The following RBMS3 variants were observed in gnomAD, a reference collection of about 807,000 sequenced individuals.
RBMS3 encodes the protein RNA binding motif single stranded interacting protein 3, also known as RNA-binding motif, single-stranded-interacting protein 3.
RBMS3 carries 27 observed loss-of-function variants against 66.8 expected under a neutral mutation model. The ratio of observed to expected loss-of-function variants is 0.40; its 90% CI spans 0.30 to 0.56. The LOEUF (loss-of-function observed/expected upper bound fraction) is 0.56, where lower values mean the gene tolerates loss of function less well. Ranked by LOEUF, RBMS3 falls within the 20% of genes least tolerant of loss-of-function variation. The pLI, the probability that RBMS3 is intolerant of heterozygous loss-of-function variation, is 0.40. For synonymous variants in RBMS3, 188 were observed against 183.0 expected, an observed-to-expected ratio of 1.03 and a Z score of -0.22; for missense variants, 513 against 549.5, an observed-to-expected ratio of 0.93 and a Z score of 0.66.
rs766794924 is a variant in RBMS3, at chr3:29,868,918, A to T, written c.698A>T (p.Gln233Leu). ...ADGGQKKRQN[Q>L]SKYTQNGRPW... The stretch of plus-strand genomic sequence containing the variant: ...GGAGGACAAAAGAAGCGACAGAATC[A>T]AAGCAAATATACCCAGAATGGGAGG... Residue 233 changes from glutamine to leucine, a missense_variant, in exon 7 of 15, where the codon CAA becomes CTA. By Grantham distance (113) the Gln-to-Leu change is moderately radical. Coordinates refer to ENST00000383767, the MANE Select transcript of RBMS3 (RefSeq NM_001003793.3). 5.6e-5 allele frequency: 90 copies of T among 1,604,710 alleles called. No individual in the cohort carries two copies. In the Middle Eastern group the frequency reaches 6.6e-4, roughly 12 times the overall value.
chr3:29,449,554 C>CA (rs937874581), intron 2 of RBMS3, among the ~76,000 whole-genome samples: 2 of 152,060 alleles, frequency 1.3e-5, no homozygotes, highest in Non-Finnish European at 2.9e-5. Flanking sequence ...TTTAGAAAAC[C>CA]AATAAAATAA....
At chr3:29,376,904 AAAC>A (rs1356139905) in intron 1 of RBMS3, among the ~76,000 whole-genome samples, 1 of 151,838 alleles carries the variant, frequency 6.6e-6, no homozygotes, top group Non-Finnish European at 1.5e-5. Context: ...ACTACGTCTC[AAAC>A]AACAACAAAA....
At chr3:29,534,910 A>G (rs772259659) in intron 3 of RBMS3, among the ~76,000 whole-genome samples, 6 of 152,114 alleles carry the variant, frequency 3.9e-5, no homozygotes, top group Admixed American at 6.5e-5. Context: ...TAAATGGAGT[A>G]ATTTGAAGAA....
At chr3:29,839,873 A>T (rs948803446) in intron 6 of RBMS3, among the ~76,000 whole-genome samples, 1 of 151,978 alleles carries the variant, frequency 6.6e-6, no homozygotes, top group Non-Finnish European at 1.5e-5. Context: ...ATACAAAAAA[A>T]TTGCCAAAAC....
At chr3:29,642,906 G>A (rs2049779129) in intron 4 of RBMS3, 1 of 152,060 alleles carries the variant, frequency 6.6e-6, no homozygotes, top group South Asian at 2.1e-4. Context: ...AGTAATTCAA[G>A]TCTGCCTTTC....
chr3:29,548,001 C>T (rs1031023190), intron 3 of RBMS3, among the ~76,000 whole-genome samples: 4 of 151,764 alleles, frequency 2.6e-5, no homozygotes, highest in Non-Finnish European at 5.9e-5. Flanking sequence ...TCTATGTTGG[C>T]CAAGGCTGGT....
chr3:29,563,532 A>G (rs1199784521), intron 3 of RBMS3, among the ~76,000 whole-genome samples: 4 of 152,208 alleles, frequency 2.6e-5, no homozygotes, highest in African/African-American at 9.6e-5. Context: ...GATCTTTATC[A>G]TCAAAAAAGG....
rs10530714 is a variant in RBMS3 at position 29,413,372 on chromosome 3, TCATACATACATACATA to T, written c.76-21332_76-21317del. 7.4e-3 allele frequency among the ~76,000 whole-genome samples: 817 copies of T among 109,946 alleles called. 2 individuals carry two copies. Among genetic ancestry groups the T allele is most frequent in the Non-Finnish European group, 0.013 (661 of 49,554 alleles). 72.1% of individuals were successfully genotyped at this position (109,946 alleles called of 152,430 possible). On this transcript the variant is annotated intron_variant, in intron 1 of 14. Transcript: ENST00000383767. ...CAAAGAGAGTGAAACTCCATCTCAT[TCATACATACATACATA>T]CATACATACATACATACATACATAC...
Position 29,675,428 on chromosome 3 carries a change from G to A in RBMS3, c.400-64292G>A, listed in dbSNP as rs563858318. On this transcript the variant is annotated intron_variant, in intron 4 of 14. Coordinates refer to ENST00000383767, the MANE Select transcript of RBMS3 (RefSeq NM_001003793.3). The stretch of plus-strand genomic sequence containing the variant: ...AAAAAAAAGCCAAAATAGACAAATG[G>A]GATCTAATTAAACTAAAGAGCTTCT... 2.8e-4 allele frequency among the ~76,000 whole-genome samples: 42 copies of A among 152,176 alleles called. 1 individual carries two copies. In the East Asian group the frequency reaches 3.9e-3, roughly 14 times the overall value.
At chr3:29,720,055 A>G (rs770399770) in intron 4 of RBMS3, among the ~76,000 whole-genome samples, 3 of 152,016 alleles carry the variant, frequency 2.0e-5, no homozygotes, top group South Asian at 2.1e-4. Context: ...ACAAGGCCCT[A>G]TGTGATCTGG....
intron 2 of RBMS3, among the ~76,000 whole-genome samples, chr3:29,435,603 A>G (rs1315097494): frequency 6.6e-6 from 1 of 152,228 alleles, no homozygotes; most frequent in Non-Finnish European, 1.5e-5. Flanking sequence ...AAATAAAAAC[A>G]TATTTAAGTT....
intron 14 of RBMS3, among the ~76,000 whole-genome samples, chr3:29,994,381 T>G (rs1220032490): frequency 6.6e-6 from 1 of 152,152 alleles, no homozygotes; most frequent in Non-Finnish European, 1.5e-5. Context: ...CCAGGCTTGA[T>G]TAGGTAAACA....
rs1491427389 is a variant in RBMS3, at chr3:29,388,111, A to ACACG, written c.76-46632_76-46631insCACG. ...CACACACACACACACACACACACAC[A>ACACG]TGTGTGTGTATGTATATATGTGTAT... On this transcript the variant is annotated intron_variant, in intron 1 of 14. Coordinates refer to ENST00000383767, the MANE Select transcript of RBMS3 (RefSeq NM_001003793.3). 3.4e-3 allele frequency among the ~76,000 whole-genome samples: 472 copies of ACACG among 140,104 alleles called. 5 individuals are homozygous for ACACG. The highest frequency in any genetic ancestry group is 0.014 in the African/African-American group (446 of 31,364). The allele number at this position is 140,104 out of a possible 152,430, so 91.9% of individuals were successfully genotyped here.
At chr3:29,293,920 T>C (rs1216783979) in intron 1 of RBMS3, among the ~76,000 whole-genome samples, 1 of 151,686 alleles carries the variant, frequency 6.6e-6, no homozygotes, top group Non-Finnish European at 1.5e-5. Context: ...TTTCTCTCTT[T>C]TTTTTACAAG....
chr3:29,724,141 G>A (rs1042956505), intron 4 of RBMS3, among the ~76,000 whole-genome samples: 12 of 151,956 alleles, frequency 7.9e-5, no homozygotes, highest in Non-Finnish European at 1.8e-4. Flanking sequence ...TGCTAATACA[G>A]TGGCCACATT....
chr3:29,652,640 T>C (rs72846047), intron 4 of RBMS3, among the ~76,000 whole-genome samples: 3,125 of 152,122 alleles, frequency 0.021, 80 homozygotes, highest in Admixed American at 0.063. Flanking sequence ...AATTGATCCA[T>C]GCAAAAAAAT....
intron 4 of RBMS3, among the ~76,000 whole-genome samples, chr3:29,699,506 A>G (rs2052444989): frequency 8.6e-6 from 1 of 116,712 alleles, no homozygotes; most frequent in Non-Finnish European, 1.8e-5. Flanking sequence ...ATGAAAATCA[A>G]CTATAATTTT....
At chr3:29,781,182 G>A (rs892790334) in intron 6 of RBMS3, among the ~76,000 whole-genome samples, 11 of 132,850 alleles carry the variant, frequency 8.3e-5, no homozygotes, top group Non-Finnish European at 1.2e-4. Flanking sequence ...TCTCCCTTTC[G>A]CTTCCCCATT....
intron 1 of RBMS3, among the ~76,000 whole-genome samples, chr3:29,425,218 A>AAAC (rs2040904736): frequency 2.6e-5 from 3 of 114,752 alleles, no homozygotes; most frequent in African/African-American, 8.3e-5. Flanking sequence ...AAAAAAAACA[A>AAAC]AAAAAAAAAA....
Sources: allele counts gnomAD v4.1 joint callset (sites outside exome capture counted in the v4.1 genomes callset), GRCh38; gene constraint gnomAD v4.1.1; transcripts MANE v1.5; gene names NCBI Gene and HGNC (gene_info 2026-07-23, HGNC 2026-07-21).